Variants in RBFOX1 observed in about 807,000 individuals in gnomAD.
The protein encoded by RBFOX1 is RNA binding protein fox-1 homolog 1.
Under a neutral mutation model 57.7 loss-of-function variants are expected in RBFOX1, and 8 were observed. That is an observed-to-expected ratio of 0.14 (90% CI 0.08 to 0.25). RBFOX1 has a LOEUF of 0.25. RBFOX1 is among the 10% of genes least tolerant of loss of function. The pLI is 1.00. For missense variants in RBFOX1, 611 were observed against 548.5 expected, an observed-to-expected ratio of 1.11 and a Z score of -1.14; for synonymous variants, 326 against 222.4, an observed-to-expected ratio of 1.47 and a Z score of -4.15.
At chr16:7,336,956 A>G (rs921830368) in intron 4 of RBFOX1, among the ~76,000 whole-genome samples, 2 of 152,186 alleles carry the variant, frequency 1.3e-5, no homozygotes, top group Admixed American at 6.5e-5. Flanking sequence ...TTTGATTTTC[A>G]GGGTGTTGTC....
At chr16:7,655,458 A>C (rs966394057) in intron 12 of RBFOX1, among the ~76,000 whole-genome samples, 1 of 152,228 alleles carries the variant, frequency 6.6e-6, no homozygotes, top group African/African-American at 2.4e-5. Context: ...ATGCCTGTCA[A>C]ATGTATTTGT....
chr16:7,263,639 T>C (rs1234182826), intron 4 of RBFOX1, among the ~76,000 whole-genome samples: 1 of 152,094 alleles, frequency 6.6e-6, no homozygotes, highest in African/African-American at 2.4e-5. Context: ...GGCTCACACC[T>C]GTAATCCCAG....
At chr16:5,962,002 C>G (rs761058678) in intron 4 of RBFOX1, among the ~76,000 whole-genome samples, 5 of 152,196 alleles carry the variant, frequency 3.3e-5, no homozygotes, top group African/African-American at 4.8e-5. Flanking sequence ...GGGAGCCCAT[C>G]TCTCTCCTTC....
intron 3 of RBFOX1, among the ~76,000 whole-genome samples, chr16:5,718,824 G>T (rs572890414): frequency 1.1e-3 from 172 of 152,186 alleles, no homozygotes; most frequent in African/African-American, 4.0e-3. Flanking sequence ...CAGGAGAATC[G>T]CTTGAACCTG....
intron 3 of RBFOX1, among the ~76,000 whole-genome samples, chr16:6,970,149 G>A (rs945969180): frequency 6.6e-6 from 1 of 151,670 alleles, no homozygotes; most frequent in South Asian, 2.1e-4. Context: ...CTGCATTCCA[G>A]CCTGGGCAAC....
chr16:6,371,500 A>T (rs373627475), intron 2 of RBFOX1, among the ~76,000 whole-genome samples: 3 of 152,302 alleles, frequency 2.0e-5, no homozygotes, highest in African/African-American at 4.8e-5. Flanking sequence ...AGCCCCTTCA[A>T]GCTGGCTCCT....
At chr16:5,612,106 T>C (rs60903276) in intron 3 of RBFOX1, among the ~76,000 whole-genome samples, 21,976 of 151,308 alleles carry the variant, frequency 0.15, 4,663 homozygotes, top group African/African-American at 0.47. Flanking sequence ...CATTCATTCA[T>C]TCATTCATTC....
At chr16:5,800,791 A>T (rs563702114) in intron 3 of RBFOX1, among the ~76,000 whole-genome samples, 2 of 152,110 alleles carry the variant, frequency 1.3e-5, no homozygotes, top group African/African-American at 2.4e-5. Context: ...AAGACGTCCT[A>T]GTGCCATTGG....
chr16:6,488,288 G>T (rs1414643283), intron 2 of RBFOX1, among the ~76,000 whole-genome samples: 1 of 152,190 alleles, frequency 6.6e-6, no homozygotes, highest in Non-Finnish European at 1.5e-5. Context: ...CAAAGAAGAT[G>T]TAAGTACTAG....
In RBFOX1 at chr16:7,600,154, A is replaced by G. The variant is rs546965403; in HGVS notation, c.622+2723A>G. 3.0e-4 allele frequency among the ~76,000 whole-genome samples: 45 copies of G among 152,286 alleles called. 1 individual carries two copies. Among genetic ancestry groups the G allele is most frequent in the African/African-American group, 8.4e-4 (35 of 41,562 alleles). Reference sequence around the variant, plus strand: ...GTAGCCATGCACTCAGTTTCCAGGAATAAGTCAGTCATATGGGTCTGTCAT... The same window carrying G: ...GTAGCCATGCACTCAGTTTCCAGGAGTAAGTCAGTCATATGGGTCTGTCAT... On this transcript the variant is annotated intron_variant, in intron 9 of 15. Transcript: ENST00000550418.
In RBFOX1 at chr16:6,537,691, C is replaced by A. The variant is rs577975566; in HGVS notation, c.-63-116912C>A. 2.4e-3 allele frequency among the ~76,000 whole-genome samples: 372 copies of A among 152,196 alleles called. 2 individuals carry two copies. The highest frequency in any genetic ancestry group is 8.3e-3 in the African/African-American group (343 of 41,514). Reference sequence around the variant, plus strand: ...CATCTTCATCATTATAAACCTCTTACAAATATTAATTGAGTTCCTTAGGCC... The same window carrying A: ...CATCTTCATCATTATAAACCTCTTAAAAATATTAATTGAGTTCCTTAGGCC... On this transcript the variant is annotated intron_variant, in intron 2 of 15. Transcript: ENST00000550418.
At chr16:5,401,764 T>TGTCCTCCTC (rs1555508909) in intron 1 of RBFOX1, among the ~76,000 whole-genome samples, 1 of 103,410 alleles carries the variant, frequency 9.7e-6, no homozygotes, top group Admixed American at 1.0e-4. Context: ...TCCCTGTCTC[T>TGTCCTCCTC]CTCCTCCTCC....
At chr16:6,875,992 G>C (rs192507952) in intron 3 of RBFOX1, among the ~76,000 whole-genome samples, 1 of 151,626 alleles carries the variant, frequency 6.6e-6, no homozygotes, top group Non-Finnish European at 1.5e-5. Context: ...AGTGGAACTT[G>C]TCTCAAAAAA....
At position 7,061,497 on chromosome 16, in the gene RBFOX1, C is replaced by G. The variant is rs529033618; in HGVS notation, c.27+9399C>G. ...CTTTTCTTCATTTTTGATGCTGAAT[C>G]TTATAATTCACATATATGTTAATTA... On this transcript the variant is annotated intron_variant, in intron 4 of 15. Transcript: ENST00000550418. Among the ~76,000 whole-genome samples the G allele has an allele frequency of 1.2e-4, 19 of 152,264 alleles. No homozygotes were observed. The South Asian group carries it at 2.9e-3, about 23-fold the overall frequency.
At chr16:5,271,396 C>T (rs2063002934) in intron 1 of RBFOX1, among the ~76,000 whole-genome samples, 1 of 152,216 alleles carries the variant, frequency 6.6e-6, no homozygotes, top group Non-Finnish European at 1.5e-5. Flanking sequence ...CATACATACC[C>T]AGGCTCTACC....
At chr16:6,817,897 C>A (rs891191784) in intron 3 of RBFOX1, among the ~76,000 whole-genome samples, 2 of 152,126 alleles carry the variant, frequency 1.3e-5, no homozygotes, top group Admixed American at 6.5e-5. Flanking sequence ...TTGCCTCATA[C>A]CCTGTTCCTG....
intron 1 of RBFOX1, among the ~76,000 whole-genome samples, chr16:6,220,526 G>C (rs1386732367): frequency 1.3e-5 from 2 of 152,130 alleles, no homozygotes; most frequent in Non-Finnish European, 1.5e-5. Context: ...TTTGTAATTT[G>C]TATCATTAAT....
intron 4 of RBFOX1, among the ~76,000 whole-genome samples, chr16:7,486,117 CTTTTTTTTTTTTT>C: frequency 1.3e-5 from 1 of 77,338 alleles, no homozygotes; most frequent in African/African-American, 5.0e-5. Flanking sequence ...GTGTTTGTGT[CTTTTTTTTTTTTT>C]TTTTTTTTTT....
intron 3 of RBFOX1, among the ~76,000 whole-genome samples, chr16:6,975,846 G>C (rs573638433): frequency 6.6e-6 from 1 of 152,262 alleles, no homozygotes; most frequent in African/African-American, 2.4e-5. Context: ...AATAAAACTA[G>C]CTGGGTATGG....
Sources: allele counts gnomAD v4.1 joint callset (sites outside exome capture counted in the v4.1 genomes callset), GRCh38; gene constraint gnomAD v4.1.1; transcripts MANE v1.5; gene names NCBI Gene and HGNC (gene_info 2026-07-23, HGNC 2026-07-21).